Variants in FIP1L1 observed in about 807,000 individuals in gnomAD.
The protein encoded by FIP1L1 is factor interacting with PAPOLA and CPSF1, also known as pre-mRNA 3'-end-processing factor FIP1.
FIP1L1 carries 21 observed loss-of-function variants against 84.6 expected under a neutral mutation model. The observed-to-expected ratio is 0.25, with a 90% CI of 0.18 to 0.36. The LOEUF is 0.36. Ranked by LOEUF, FIP1L1 falls within the 10% of genes least tolerant of loss-of-function variation. The pLI is 1.00. For synonymous variants in FIP1L1, 263 were observed against 242.3 expected (o/e 1.09, Z -0.80); for missense variants, 526 against 751.1 (o/e 0.70, Z 3.50).
intron 11 of FIP1L1, among the ~76,000 whole-genome samples, chr4:53,420,602 G>A (rs1762026298): frequency 6.6e-6 from 1 of 152,040 alleles, no homozygotes. Flanking sequence ...CTTTTTCTGG[G>A]CGGGATTTTT....
chr4:53,423,641 T>C (rs896824456), intron 11 of FIP1L1, among the ~76,000 whole-genome samples: 2 of 152,206 alleles, frequency 1.3e-5, no homozygotes, highest in Non-Finnish European at 2.9e-5. Context: ...GCTTAATTTA[T>C]ATGATTAAAG....
At chr4:53,407,132 C>A (rs1170200651) in intron 10 of FIP1L1, among the ~76,000 whole-genome samples, 1 of 151,994 alleles carries the variant, frequency 6.6e-6, no homozygotes, top group Non-Finnish European at 1.5e-5. Context: ...TTCCTTCTTT[C>A]TCTTGTGGGC....
At chr4:53,401,824 A>G (rs776446617) in intron 10 of FIP1L1, among the ~76,000 whole-genome samples, 6 of 152,208 alleles carry the variant, frequency 3.9e-5, no homozygotes, top group Non-Finnish European at 5.9e-5. Context: ...TTGAGTAGGA[A>G]GTTGGCTATA....
rs140791154 is a variant in FIP1L1 at position 53,452,452 on chromosome 4, G to A, written c.1286-468G>A. On this transcript the variant is annotated intron_variant, in intron 15 of 17. Transcript: ENST00000337488. ...TCCTGCCTTAGCCTCCCAAATAGCC[G>A]GGATTACCGGCATGCACCACCATGC... Among the ~76,000 whole-genome samples the A allele has an allele frequency of 1.9e-3, 287 of 152,070 alleles. 1 individual carries two copies. Among genetic ancestry groups the A allele is most frequent in the African/African-American group, 6.6e-3 (275 of 41,480 alleles).
At position 53,396,788 on chromosome 4, in the gene FIP1L1, A is replaced by C. The variant is rs76019965; in HGVS notation, c.706-2942A>C. Among the ~76,000 whole-genome samples the C allele has an allele frequency of 6.7e-3, 1,021 of 152,326 alleles. 15 individuals carry two copies. Among genetic ancestry groups the C allele is most frequent in the African/African-American group, 0.024 (987 of 41,578 alleles). ...AAAAATCATGCTTTCATAAACATTA[A>C]AACCTGTCATAAAATTAGTGGCAAT... On this transcript the variant is annotated intron_variant, in intron 9 of 17. Coordinates refer to ENST00000337488, the MANE Select transcript of FIP1L1 (RefSeq NM_030917.4).
intron 9 of FIP1L1, among the ~76,000 whole-genome samples, chr4:53,394,891 G>A (rs1746415947): frequency 6.6e-6 from 1 of 151,820 alleles, no homozygotes; most frequent in Admixed American, 6.6e-5. Context: ...GATATTGTTT[G>A]TAAAGTTAAA....
At chr4:53,390,083 C>T (rs1339969857) in intron 6 of FIP1L1, among the ~76,000 whole-genome samples, 1 of 151,984 alleles carries the variant, frequency 6.6e-6, no homozygotes, top group Non-Finnish European at 1.5e-5. Flanking sequence ...GGACTGCGGG[C>T]GTGCACCACC....
At chr4:53,400,144 T>A (rs1486695385) in intron 10 of FIP1L1, among the ~76,000 whole-genome samples, 1 of 152,186 alleles carries the variant, frequency 6.6e-6, no homozygotes, top group Non-Finnish European at 1.5e-5. Flanking sequence ...CAGTAGTATT[T>A]GCTGTTTCCT....
At chr4:53,390,397 T>G (rs1009298754) in intron 6 of FIP1L1, 124 bp from the exon 7 acceptor site, 13 of 571,062 alleles carry the variant, frequency 2.3e-5, no homozygotes, top group Admixed American at 3.4e-5. Flanking sequence ...AAGATGTTTG[T>G]TTTCTGTTTG....
intron 13 of FIP1L1, among the ~76,000 whole-genome samples, chr4:53,430,256 C>T (rs189571357): frequency 5.0e-4 from 76 of 151,590 alleles, no homozygotes; most frequent in Middle Eastern, 6.9e-3. Context: ...TTCGAAACTC[C>T]GTAGAATATT....
chr4:53,386,470 G>C lies in FIP1L1; in HGVS notation c.332+2594G>C, dbSNP rs75453374. Among the ~76,000 whole-genome samples the C allele has an allele frequency of 9.4e-3, 1,425 of 152,272 alleles. 20 individuals carry two copies. Among genetic ancestry groups the C allele is most frequent in the African/African-American group, 0.033 (1,361 of 41,542 alleles). On this transcript the variant is annotated intron_variant, in intron 5 of 17. Coordinates refer to ENST00000337488, the MANE Select transcript of FIP1L1 (RefSeq NM_030917.4). ...GGTAGTGAGGATGCCAGACATGTGA[G>C]TAAATATTTTCAGTGCAACATAAGT...
At chr4:53,380,596 G>A (rs1737313569) in intron 3 of FIP1L1, among the ~76,000 whole-genome samples, 1 of 152,136 alleles carries the variant, frequency 6.6e-6, no homozygotes, top group Admixed American at 6.5e-5. Flanking sequence ...GAGGGAAAAA[G>A]TGAGAAATGG....
chr4:53,426,916 C>T (rs1764575497), intron 12 of FIP1L1, among the ~76,000 whole-genome samples: 1 of 151,772 alleles, frequency 6.6e-6, no homozygotes, highest in South Asian at 2.1e-4. Flanking sequence ...TCCAGCTATT[C>T]ATTTTGGCCA....
intron 10 of FIP1L1, among the ~76,000 whole-genome samples, chr4:53,413,326 C>T (rs1460468413): frequency 6.6e-6 from 1 of 152,050 alleles, no homozygotes; most frequent in African/African-American, 2.4e-5. Flanking sequence ...TAGCTGTGCT[C>T]CTTATACTAG....
intron 10 of FIP1L1, among the ~76,000 whole-genome samples, chr4:53,400,596 A>G (rs1197161064): frequency 6.6e-6 from 1 of 152,160 alleles, no homozygotes; most frequent in Admixed American, 6.6e-5. Flanking sequence ...TATTTTATAT[A>G]GTTTTCTGTT....
At chr4:53,448,141 A>G (rs1579115359) in intron 15 of FIP1L1, among the ~76,000 whole-genome samples, 2 of 152,080 alleles carry the variant, frequency 1.3e-5, no homozygotes, top group African/African-American at 4.8e-5. Flanking sequence ...AAAGTTTTCA[A>G]GTTTTGCTCT....
chr4:53,419,028 GT>G (rs910106193), intron 11 of FIP1L1, among the ~76,000 whole-genome samples: 1 of 152,036 alleles, frequency 6.6e-6, no homozygotes, highest in African/African-American at 2.4e-5. Context: ...GGCCTTTGGG[GT>G]TTTTTGTTTG....
chr4:53,440,479 G>A, intron 13 of FIP1L1: 2 of 660,978 alleles, frequency 3.0e-6, no homozygotes, highest in South Asian at 3.9e-5. Context: ...CCAGGATAAT[G>A]AGGCGAGGGG....
At chr4:53,385,138 ATTAC>A (rs1454800058) in intron 5 of FIP1L1, among the ~76,000 whole-genome samples, 4 of 152,164 alleles carry the variant, frequency 2.6e-5, no homozygotes, top group African/African-American at 4.8e-5. Flanking sequence ...AAAGTAAATA[ATTAC>A]TTAATGAGAA....
Sources: gnomAD v4.1 joint callset for allele counts (sites outside exome capture counted in the v4.1 genomes callset) on GRCh38, gnomAD v4.1.1 for gene constraint, MANE v1.5 for transcripts, NCBI Gene and HGNC (gene_info 2026-07-23, HGNC 2026-07-21) for gene names.